The following SYNE1 variants were observed in gnomAD, a reference collection of about 807,000 sequenced individuals.
SYNE1 encodes the protein spectrin repeat containing nuclear envelope protein 1.
In SYNE1, 616 loss-of-function variants were observed where a neutral mutation model predicts 1,111.0. The ratio of observed to expected loss-of-function variants is 0.55; its 90% CI spans 0.52 to 0.59. SYNE1 has a LOEUF of 0.59. Among genes scored for constraint, SYNE1 ranks in the 20% least tolerant of loss-of-function variants. The probability of loss-of-function intolerance (pLI) is 0.00; values close to 1 mark genes in which losing one functional copy is unlikely to be tolerated. For missense variants in SYNE1, 10,006 were observed against 10,417.0 expected, an observed-to-expected ratio of 0.96 and a Z score of 1.72; for synonymous variants, 3,855 against 3,825.8, an observed-to-expected ratio of 1.01 and a Z score of -0.28.
intron 97 of SYNE1, among the ~76,000 whole-genome samples, chr6:152,279,224 C>A (rs1269060554): frequency 7.7e-6 from 1 of 129,952 alleles, no homozygotes; most frequent in East Asian, 2.2e-4. Context: ...AATAGCCTTT[C>A]TTCTTCCTAG....
intron 126 of SYNE1, among the ~76,000 whole-genome samples, chr6:152,204,904 T>A (rs6929139): frequency 0.16 from 24,869 of 151,988 alleles, 3,834 homozygotes; most frequent in African/African-American, 0.41. Context: ...TTTAAAAAAA[T>A]ATATGATTAA....
chr6:152,284,014 G>A lies in SYNE1; in HGVS notation c.18171C>T (p.Ile6057=). Residue 6057 remains isoleucine (I), a synonymous_variant, in exon 96 of 146, where the codon ATC becomes ATT. Coordinates refer to ENST00000367255, the MANE Select transcript of SYNE1 (RefSeq NM_182961.4). ...LTVLAERMST[I]RMKASGKRQL... is the part of the protein sequence containing the mutation. Reference sequence around the variant, plus strand: ...GCCGTTTCCCCGAGGCTTTCATCCTGATGGTGGACATTCGCTCGGCTAAGA... The same window carrying A: ...GCCGTTTCCCCGAGGCTTTCATCCTAATGGTGGACATTCGCTCGGCTAAGA... 6.2e-7 allele frequency: 1 copy of A among 1,614,232 alleles called. No homozygotes were observed. The highest frequency in any genetic ancestry group is 8.5e-7 in the Non-Finnish European group (1 of 1,180,044).
At chr6:152,289,857 A>G (rs1366725440) in intron 95 of SYNE1, among the ~76,000 whole-genome samples, 5 of 148,878 alleles carry the variant, frequency 3.4e-5, no homozygotes, top group African/African-American at 1.0e-4. Context: ...CGATCTCCTG[A>G]CCTCGTGATC....
intron 43 of SYNE1, 25 bp downstream of exon 43, chr6:152,409,533 CA>C (rs780036120): frequency 2.5e-5 from 40 of 1,611,870 alleles, no homozygotes; most frequent in Non-Finnish European, 3.3e-5. Context: ...AGCAGAATAC[CA>C]ACATAAACAC....
intron 25 of SYNE1, 59 bp downstream of exon 25, chr6:152,453,527 A>T (rs773648106): frequency 3.1e-6 from 5 of 1,613,286 alleles, no homozygotes; most frequent in Non-Finnish European, 4.2e-6. Flanking sequence ...GGACCTTAAC[A>T]CGCTCAAGCT....
chr6:152,459,949 A>C (rs750380224), intron 21 of SYNE1, among the ~76,000 whole-genome samples: 2 of 152,082 alleles, frequency 1.3e-5, no homozygotes, highest in Non-Finnish European at 2.9e-5. Flanking sequence ...CACTCATCAA[A>C]AGAAAGTTAC....
At chr6:152,626,796 G>A (rs1488288070) in intron 3 of SYNE1, among the ~76,000 whole-genome samples, 2 of 152,182 alleles carry the variant, frequency 1.3e-5, no homozygotes, top group East Asian at 1.9e-4. Flanking sequence ...CTGGACAGAC[G>A]TGGAGAAACT....
Position 152,330,589 on chromosome 6 carries a change from T to G in SYNE1, c.14096A>C (p.Lys4699Thr). The change falls in exon 78 of 146, where the codon AAA becomes ACA. Residue 4699 changes from lysine (K) to threonine (T), a missense_variant. By Grantham distance (78) the Lys-to-Thr change is moderately conservative (BLOSUM62 -1). Coordinates refer to ENST00000367255, the MANE Select transcript of SYNE1 (RefSeq NM_182961.4). Reference sequence around the variant, plus strand: ...CTCAACGGCCAGGTCGGTGGGAACTTTGCTCATCCTCAAGAATTGGGCTTC... The same window carrying G: ...CTCAACGGCCAGGTCGGTGGGAACTGTGCTCATCCTCAAGAATTGGGCTTC... ...ELEAQFLRMS[K>T]VPTDLAVEEA... 2 of 1,613,758 alleles carry G rather than the reference T, an allele frequency of 1.2e-6. No individual in the cohort carries two copies. The highest frequency in any genetic ancestry group is 8.5e-7 in the Non-Finnish European group (1 of 1,180,020).
chr6:152,542,550 G>A (rs1390446666), intron 3 of SYNE1, among the ~76,000 whole-genome samples: 1 of 151,848 alleles, frequency 6.6e-6, no homozygotes, highest in Non-Finnish European at 1.5e-5. Flanking sequence ...CAAGATCTAT[G>A]AGCAGCAACT....
At chr6:152,466,596 C>A (rs2098769642) in intron 16 of SYNE1, among the ~76,000 whole-genome samples, 1 of 152,016 alleles carries the variant, frequency 6.6e-6, no homozygotes, top group African/African-American at 2.4e-5. Context: ...TCAATGGTCT[C>A]ACATTTCAAT....
chr6:152,399,858 T>C (rs771901336), intron 47 of SYNE1, 35 bp from the exon 48 acceptor site: 4 of 1,601,932 alleles, frequency 2.5e-6, no homozygotes, highest in South Asian at 2.2e-5. Context: ...AGGATATTCA[T>C]AACTTGAGAG....
chr6:152,194,690 A>AT (rs2073624673), intron 127 of SYNE1, among the ~76,000 whole-genome samples: 1 of 151,964 alleles, frequency 6.6e-6, no homozygotes, highest in Non-Finnish European at 1.5e-5. Flanking sequence ...TGTTTCATTG[A>AT]TTTTTATTCC....
chr6:152,414,451 T>C (rs2098121460), intron 41 of SYNE1, among the ~76,000 whole-genome samples: 1 of 152,094 alleles, frequency 6.6e-6, no homozygotes, highest in South Asian at 2.1e-4. Flanking sequence ...CCATTTACTC[T>C]TCATTCTTAC....
intron 42 of SYNE1, 33 bp downstream of exon 42, chr6:152,413,319 C>A (rs367986682): frequency 8.1e-6 from 13 of 1,613,232 alleles, no homozygotes; most frequent in African/African-American, 1.3e-5. Context: ...AAGTGGGAAG[C>A]TAAAAACAAG....
chr6:152,254,674 G>T (rs2090396191), intron 104 of SYNE1, among the ~76,000 whole-genome samples: 1 of 151,958 alleles, frequency 6.6e-6, no homozygotes, highest in Admixed American at 6.6e-5. Context: ...GTTTGAAGTG[G>T]GTGGTTTTCT....
At chr6:152,378,433 C>G (rs2097334981) in intron 56 of SYNE1, among the ~76,000 whole-genome samples, 1 of 152,180 alleles carries the variant, frequency 6.6e-6, no homozygotes, top group Non-Finnish European at 1.5e-5. Flanking sequence ...CGGGCCTCTC[C>G]CTTTGTTTCC....
chr6:152,180,053 G>A (rs945041086), intron 129 of SYNE1, 83 bp downstream of exon 129: 1 of 1,445,476 alleles, frequency 6.9e-7, no homozygotes, highest in Non-Finnish European at 9.7e-7. Context: ...AAGTAATTGT[G>A]AGTAAAGCCA....
chr6:152,393,254 G>C (rs1563659804), intron 51 of SYNE1, among the ~76,000 whole-genome samples: 1 of 152,136 alleles, frequency 6.6e-6, no homozygotes, highest in Admixed American at 6.6e-5. Context: ...CGCAGTTTTG[G>C]TGTAATGATG....
chr6:152,453,822 G>A, intron 24 of SYNE1, 102 bp from the exon 25 acceptor site: 1 of 1,479,780 alleles, frequency 6.8e-7, no homozygotes, highest in Non-Finnish European at 9.4e-7. Context: ...TCAGCCAGCT[G>A]CTGCCCTCTT....
Sources: allele counts gnomAD v4.1 joint callset (sites outside exome capture counted in the v4.1 genomes callset), GRCh38; gene constraint gnomAD v4.1.1; transcripts MANE v1.5; gene names NCBI Gene and HGNC (gene_info 2026-07-23, HGNC 2026-07-21).